The following PTPRM variants were observed in gnomAD, a reference collection of about 807,000 sequenced individuals.
PTPRM encodes receptor-type tyrosine-protein phosphatase mu.
Under a neutral mutation model 186.7 loss-of-function variants are expected in PTPRM, and 47 were observed. The ratio of observed to expected loss-of-function variants is 0.25; its 90% CI spans 0.20 to 0.32. The LOEUF is 0.32. Ranked by LOEUF, PTPRM falls within the 10% of genes least tolerant of loss-of-function variation. PTPRM has a pLI of 1.00. For synonymous variants in PTPRM, 668 were observed against 674.9 expected (o/e 0.99, Z 0.16); for missense variants, 1,494 against 1,865.0 (o/e 0.80, Z 3.66).
chr18:8,367,654 G>T (rs1037540768), intron 23 of PTPRM, among the ~76,000 whole-genome samples: 1 of 152,260 alleles, frequency 6.6e-6, no homozygotes, highest in Non-Finnish European at 1.5e-5. Flanking sequence ...CAGCCAGCCC[G>T]AGAGGGCCCA....
chr18:7,811,193 G>C (rs2044493038), intron 2 of PTPRM, among the ~76,000 whole-genome samples: 1 of 152,208 alleles, frequency 6.6e-6, no homozygotes, highest in Non-Finnish European at 1.5e-5. Flanking sequence ...GCAACAGCCT[G>C]TGACAACAAG....
chr18:8,044,329 G>A (rs574711795), intron 7 of PTPRM, among the ~76,000 whole-genome samples: 44 of 152,296 alleles, frequency 2.9e-4, no homozygotes, highest in African/African-American at 1.0e-3. Context: ...CATTGTCCAC[G>A]GGACACAAAT....
At chr18:8,187,065 G>A (rs2093652427) in intron 14 of PTPRM, among the ~76,000 whole-genome samples, 1 of 151,766 alleles carries the variant, frequency 6.6e-6, no homozygotes, top group Admixed American at 6.6e-5. Context: ...TCAGCCTCCC[G>A]AGTAGTTGGG....
At chr18:8,168,836 T>TGCCCCTC (rs2093358253) in intron 14 of PTPRM, among the ~76,000 whole-genome samples, 1 of 152,342 alleles carries the variant, frequency 6.6e-6, no homozygotes, top group South Asian at 2.1e-4. Context: ...TGCAATGGAA[T>TGCCCCTC]GCCCCTCACT....
rs370665392 is a variant in PTPRM, at chr18:8,265,468, G to C, written c.2754+12054G>C. Among the ~76,000 whole-genome samples the C allele has an allele frequency of 3.3e-5, 5 of 152,342 alleles. No homozygotes were observed. In the East Asian group the frequency reaches 9.7e-4, roughly 29 times the overall value. The stretch of plus-strand genomic sequence containing the variant: ...GCAGCAGGAAGAAGGGAGAAGAGAA[G>C]AAGAAGACAAGTTTGTAAGCCTGAG... On this transcript the variant is annotated intron_variant, in intron 19 of 32. Coordinates refer to ENST00000580170, the MANE Select transcript of PTPRM (RefSeq NM_001105244.2).
intron 7 of PTPRM, among the ~76,000 whole-genome samples, chr18:8,016,384 G>A (rs1236183884): frequency 1.3e-5 from 2 of 151,964 alleles, no homozygotes; most frequent in Admixed American, 1.3e-4. Context: ...GCCAGGTTTG[G>A]TGGTGCATGC....
At chr18:7,993,434 A>G (rs2083368427) in intron 7 of PTPRM, among the ~76,000 whole-genome samples, 1 of 152,132 alleles carries the variant, frequency 6.6e-6, no homozygotes, top group African/African-American at 2.4e-5. Context: ...TTATAGTTAA[A>G]CTGTCAAAAG....
intron 1 of PTPRM, among the ~76,000 whole-genome samples, chr18:7,725,225 T>TG (rs201907500): frequency 7.5e-4 from 114 of 152,326 alleles, no homozygotes; most frequent in African/African-American, 2.5e-3. Context: ...GTATCATTTT[T>TG]GGGGGGTCCT....
At chr18:8,048,941 G>T (rs765940147) in intron 7 of PTPRM, among the ~76,000 whole-genome samples, 1 of 152,126 alleles carries the variant, frequency 6.6e-6, no homozygotes, top group Non-Finnish European at 1.5e-5. Flanking sequence ...TCAGTTCCGG[G>T]TAAAATATCA....
chr18:8,121,127 G>T (rs564073926), intron 13 of PTPRM, among the ~76,000 whole-genome samples: 3 of 152,280 alleles, frequency 2.0e-5, no homozygotes, highest in Admixed American at 6.5e-5. Flanking sequence ...AACAAAACTA[G>T]AATATGTTCA....
chr18:8,069,109 CAAAAAAAAAAAAA>C (rs71165767), intron 7 of PTPRM, among the ~76,000 whole-genome samples: 4 of 78,614 alleles, frequency 5.1e-5, no homozygotes, highest in East Asian at 4.1e-4. Flanking sequence ...GACTCCGTCT[CAAAAAAAAAAAAA>C]AAAAAAAAAA....
rs184494593 is a variant in PTPRM at position 7,648,878 on chromosome 18, G to T, written c.73+80987G>T. Reference sequence around the variant, plus strand: ...AGATCTGGCTGAGATAATTGATGAAGGTGGCTACACTAAACAACAGATTTT... The same window carrying T: ...AGATCTGGCTGAGATAATTGATGAATGTGGCTACACTAAACAACAGATTTT... On this transcript the variant is annotated intron_variant, in intron 1 of 32. Transcript: ENST00000580170. 2.6e-5 allele frequency among the ~76,000 whole-genome samples: 4 copies of T among 152,302 alleles called. No individual in the cohort carries two copies. In the East Asian group the frequency reaches 7.7e-4, roughly 29 times the overall value.
At chr18:8,387,906 C>T (rs1384578508) in intron 31 of PTPRM, among the ~76,000 whole-genome samples, 1 of 151,650 alleles carries the variant, frequency 6.6e-6, no homozygotes, top group Non-Finnish European at 1.5e-5. Context: ...AGCCCGCAGC[C>T]TTACCTGCAC....
At chr18:8,176,102 G>A (rs1285375461) in intron 14 of PTPRM, among the ~76,000 whole-genome samples, 3 of 152,162 alleles carry the variant, frequency 2.0e-5, no homozygotes, top group African/African-American at 7.2e-5. Flanking sequence ...GTCAAATTGG[G>A]AAATTTAAAA....
intron 7 of PTPRM, among the ~76,000 whole-genome samples, chr18:7,999,167 C>A (rs2083720355): frequency 1.3e-5 from 2 of 152,104 alleles, no homozygotes; most frequent in South Asian, 4.1e-4. Flanking sequence ...CACTCACTTA[C>A]AATGGAACAC....
intron 1 of PTPRM, among the ~76,000 whole-genome samples, chr18:7,641,478 A>G (rs1243149670): frequency 2.0e-5 from 3 of 152,184 alleles, no homozygotes; most frequent in Non-Finnish European, 4.4e-5. Context: ...TCTCTCACTC[A>G]TGAAAAAAAA....
At chr18:8,357,247 G>T (rs1353740793) in intron 23 of PTPRM, among the ~76,000 whole-genome samples, 2 of 152,208 alleles carry the variant, frequency 1.3e-5, no homozygotes, top group African/African-American at 2.4e-5. Flanking sequence ...AGGTACCAGT[G>T]AGACAAATTC....
intron 7 of PTPRM, among the ~76,000 whole-genome samples, chr18:8,041,175 T>C (rs939842937): frequency 6.6e-6 from 1 of 152,212 alleles, no homozygotes; most frequent in African/African-American, 2.4e-5. Flanking sequence ...ATGCCTGGCT[T>C]TGCTCAAGGA....
At chr18:8,374,690 C>G (rs1264149284) in intron 24 of PTPRM, among the ~76,000 whole-genome samples, 1 of 152,222 alleles carries the variant, frequency 6.6e-6, no homozygotes, top group Non-Finnish European at 1.5e-5. Flanking sequence ...TGCTTAATTC[C>G]TTATAGCTTA....
Sources: allele counts gnomAD v4.1 joint callset (sites outside exome capture counted in the v4.1 genomes callset), GRCh38; gene constraint gnomAD v4.1.1; transcripts MANE v1.5; gene names NCBI Gene and HGNC (gene_info 2026-07-23, HGNC 2026-07-21).